Variants in DOCK10 observed in about 807,000 individuals in gnomAD.
DOCK10 encodes the protein dedicator of cytokinesis 10.
In DOCK10, 145 loss-of-function variants were observed where a neutral mutation model predicts 280.1. The ratio of observed to expected loss-of-function variants is 0.52; its 90% CI spans 0.45 to 0.59. DOCK10 has a LOEUF of 0.59. Among genes scored for constraint, DOCK10 ranks in the 20% least tolerant of loss-of-function variants. The pLI, the probability that DOCK10 is intolerant of heterozygous loss-of-function variation, is 0.00. For synonymous variants in DOCK10, 915 were observed against 942.2 expected (o/e 0.97, Z 0.53); for missense variants, 2,368 against 2,651.7 (o/e 0.89, Z 2.35).
chr2:224,845,749 C>T (rs905781528), intron 19 of DOCK10, 107 bp from the exon 20 acceptor site: 48 of 1,066,492 alleles, frequency 4.5e-5, no homozygotes, highest in Non-Finnish European at 5.5e-5. Flanking sequence ...TTTGAGACTG[C>T]GTCTTACTCT....
intron 15 of DOCK10, among the ~76,000 whole-genome samples, chr2:224,855,789 G>C (rs1697088839): frequency 6.6e-6 from 1 of 152,202 alleles, no homozygotes; most frequent in Non-Finnish European, 1.5e-5. Context: ...GCTCTTCTCA[G>C]CTTGTGAGAG....
intron 3 of DOCK10, among the ~76,000 whole-genome samples, chr2:224,901,007 GAA>G (rs1700268554): frequency 6.6e-6 from 1 of 152,182 alleles, no homozygotes; most frequent in Admixed American, 6.5e-5. Flanking sequence ...TGACTCCTAA[GAA>G]TGCTTCTAAA....
chr2:225,009,073 G>T (rs11900224), intron 1 of DOCK10, among the ~76,000 whole-genome samples: 2,664 of 152,218 alleles, frequency 0.018, 75 homozygotes, highest in African/African-American at 0.061. Flanking sequence ...AGGTGATATG[G>T]GGCCAGCAGC....
At position 224,876,007 on chromosome 2, in the gene DOCK10, A is replaced by G. The variant is rs776137935; in HGVS notation, c.931+31T>C. 3 of 1,599,350 alleles carry G rather than the reference A, an allele frequency of 1.9e-6. No homozygotes were observed. The East Asian group carries it at 6.7e-5, about 36-fold the overall frequency. ...CCAAAAACACAGGTCACACTGGACA[A>G]AGGAAGGAAGACGGCTTCATATGCT... On this transcript the variant is annotated intron_variant, in intron 8 of 55. Coordinates refer to ENST00000258390, the MANE Select transcript of DOCK10 (RefSeq NM_014689.3).
Position 224,808,095 on chromosome 2 carries a change from G to A in DOCK10, c.3410-9C>T. The A allele has an allele frequency of 6.2e-7, 1 of 1,605,692 alleles. No individual in the cohort carries two copies. Among genetic ancestry groups the A allele is most frequent in the African/African-American group, 1.3e-5 (1 of 74,816 alleles). On this transcript the variant is annotated splice_polypyrimidine_tract_variant and intron_variant, in intron 31 of 55. Coordinates refer to ENST00000258390, the MANE Select transcript of DOCK10 (RefSeq NM_014689.3). ...TGAATATTCAGGCATATCTTTGTGAGGAAGGAAAATAACTCATGTTATTGA... is the reference window on the plus strand; with the variant it reads ...TGAATATTCAGGCATATCTTTGTGAAGAAGGAAAATAACTCATGTTATTGA...
intron 4 of DOCK10, chr2:224,893,723 C>CTT: frequency 1.6e-5 from 6 of 381,972 alleles, no homozygotes; most frequent in South Asian, 6.1e-5. Flanking sequence ...TAAATTTCAC[C>CTT]TTTTTTTTTG....
At chr2:224,947,621 C>T (rs181626243) in intron 1 of DOCK10, among the ~76,000 whole-genome samples, 1 of 152,314 alleles carries the variant, frequency 6.6e-6, no homozygotes, top group East Asian at 1.9e-4. Context: ...TTACAAAGAG[C>T]TACAGAGTTA....
At chr2:224,854,225 T>C (rs1421024651) in intron 16 of DOCK10, among the ~76,000 whole-genome samples, 2 of 151,944 alleles carry the variant, frequency 1.3e-5, no homozygotes, top group Non-Finnish European at 2.9e-5. Context: ...TTTATTCTTT[T>C]TTTTTTTTCA....
chr2:224,981,846 C>T (rs576188026), intron 1 of DOCK10, among the ~76,000 whole-genome samples: 1 of 152,282 alleles, frequency 6.6e-6, no homozygotes, highest in East Asian at 1.9e-4. Flanking sequence ...AAAAAACGCC[C>T]ATTTTGGGCT....
intron 9 of DOCK10, 97 bp from the exon 10 acceptor site, chr2:224,874,446 C>A: frequency 9.9e-7 from 1 of 1,013,142 alleles, no homozygotes. Context: ...AGTATTATCA[C>A]CATTTTAGTA....
At position 224,938,161 on chromosome 2, in the gene DOCK10, G is replaced by A. The variant is rs190685314; in HGVS notation, c.124-6493C>T. Among the ~76,000 whole-genome samples, 11 of 152,284 alleles carry A rather than the reference G, an allele frequency of 7.2e-5. No individual in the cohort carries two copies. The East Asian group carries it at 1.2e-3, about 16-fold the overall frequency. ...TTTCAAGAAACATTATGAAAAGAGC[G>A]TTCCCCACTTCCTTTGAGAAGTTGT... On this transcript the variant is annotated intron_variant, in intron 1 of 55. Coordinates refer to ENST00000258390, the MANE Select transcript of DOCK10 (RefSeq NM_014689.3).
intron 1 of DOCK10, among the ~76,000 whole-genome samples, chr2:225,007,348 A>G (rs1388900997): frequency 6.6e-6 from 1 of 152,206 alleles, no homozygotes; most frequent in African/African-American, 2.4e-5. Flanking sequence ...GCATGCATAA[A>G]TAAAACCTGT....
chr2:224,944,238 T>G (rs1703266061), intron 1 of DOCK10, among the ~76,000 whole-genome samples: 1 of 152,186 alleles, frequency 6.6e-6, no homozygotes, highest in Non-Finnish European at 1.5e-5. Context: ...TTAATGCAGT[T>G]CAGAAGTCTG....
intron 14 of DOCK10, chr2:224,860,856 T>C (rs1457867597): frequency 1.3e-5 from 2 of 152,208 alleles, no homozygotes; most frequent in Admixed American, 1.3e-4. Flanking sequence ...ATTGGGATTA[T>C]AGGCATGCCC....
Position 224,793,029 on chromosome 2 carries a change from C to T in DOCK10, c.5256G>A (p.Ser1752=), listed in dbSNP as rs755672441. Residue 1752 remains serine, a synonymous_variant, in exon 47 of 56, where the codon TCG becomes TCA. Transcript: ENST00000258390. ...TGCTATCACAGGGGTGGGTATCCTC[C>T]GAGAGCAGGGATGCTGTGCAAATCT... ...VEKICTASLL[S]EDTHPCDSNS... is the part of the protein sequence containing the mutation. 2.5e-5 allele frequency: 41 copies of T among 1,613,378 alleles called. No homozygotes were observed. In the Admixed American group the frequency reaches 3.2e-4, roughly 12 times the overall value.
At chr2:224,823,476 G>T in intron 28 of DOCK10, 25 bp downstream of exon 28, 3 of 1,551,140 alleles carry the variant, frequency 1.9e-6, no homozygotes, top group South Asian at 2.5e-5. Flanking sequence ...GCCTTGAATA[G>T]AACTGCGATC....
chr2:224,855,438 T>G (rs1697058464), intron 15 of DOCK10, among the ~76,000 whole-genome samples: 1 of 152,214 alleles, frequency 6.6e-6, no homozygotes, highest in Non-Finnish European at 1.5e-5. Context: ...TAAGAAGTTT[T>G]GAGAGCAAGC....
chr2:224,783,984 TA>T (rs1423633626), intron 50 of DOCK10, among the ~76,000 whole-genome samples: 3 of 152,146 alleles, frequency 2.0e-5, no homozygotes, highest in South Asian at 2.1e-4. Flanking sequence ...TTTTTGTACA[TA>T]AAAAAGTGGT....
intron 7 of DOCK10, among the ~76,000 whole-genome samples, chr2:224,880,929 TC>T (rs1463424322): frequency 4.2e-5 from 6 of 142,904 alleles, no homozygotes; most frequent in African/African-American, 1.8e-4. Flanking sequence ...TTCCATGAAA[TC>T]CTCTCCACTC....
Sources: gnomAD v4.1 joint callset for allele counts (sites outside exome capture counted in the v4.1 genomes callset) on GRCh38, gnomAD v4.1.1 for gene constraint, MANE v1.5 for transcripts, NCBI Gene and HGNC (gene_info 2026-07-23, HGNC 2026-07-21) for gene names.